Variants in IGF1R observed in about 807,000 individuals in gnomAD.
The protein encoded by IGF1R is insulin like growth factor 1 receptor.
In IGF1R, 44 loss-of-function variants were observed where a neutral mutation model predicts 144.6. The ratio of observed to expected loss-of-function variants is 0.30; its 90% CI spans 0.24 to 0.39. The LOEUF (loss-of-function observed/expected upper bound fraction) is 0.39, where lower values mean the gene tolerates loss of function less well. Ranked by LOEUF, IGF1R falls within the 10% of genes least tolerant of loss-of-function variation. The pLI is 1.00. For missense variants in IGF1R, 1,355 were observed against 1,833.7 expected (o/e 0.74, Z 4.77); for synonymous variants, 795 against 722.8 (o/e 1.10, Z -1.60).
At chr15:98,827,517 G>A (rs926294218) in intron 2 of IGF1R, among the ~76,000 whole-genome samples, 2 of 152,196 alleles carry the variant, frequency 1.3e-5, no homozygotes, top group Admixed American at 6.5e-5. Context: ...GGCATTTGGA[G>A]ATACTATGAA....
At chr15:98,822,455 T>G (rs1298965668) in intron 2 of IGF1R, among the ~76,000 whole-genome samples, 1 of 152,234 alleles carries the variant, frequency 6.6e-6, no homozygotes, top group Non-Finnish European at 1.5e-5. Context: ...GATCTCGTCT[T>G]ACAAGGTCCC....
intron 2 of IGF1R, among the ~76,000 whole-genome samples, chr15:98,712,239 G>C (rs896209922): frequency 6.6e-6 from 1 of 152,110 alleles, no homozygotes; most frequent in African/African-American, 2.4e-5. Flanking sequence ...TTTGAGTCCA[G>C]GACCTGTCAT....
chr15:98,947,830 CAG>C (rs1441684246), intron 19 of IGF1R, among the ~76,000 whole-genome samples: 1 of 152,212 alleles, frequency 6.6e-6, no homozygotes, highest in African/African-American at 2.4e-5. Flanking sequence ...ACCTGTGACA[CAG>C]AGGCCCTGCA....
chr15:98,819,400 G>T (rs1320391202), intron 2 of IGF1R, among the ~76,000 whole-genome samples: 1 of 152,112 alleles, frequency 6.6e-6, no homozygotes, highest in African/African-American at 2.4e-5. Context: ...TTTAGGAAGG[G>T]ATTAAATCGT....
intron 2 of IGF1R, among the ~76,000 whole-genome samples, chr15:98,832,629 G>GT (rs56243311): frequency 7.9e-5 from 12 of 151,718 alleles, no homozygotes; most frequent in African/African-American, 2.7e-4. Flanking sequence ...TGAGTGCATG[G>GT]TTTTTTTCTA....
At chr15:98,724,897 T>G (rs1197512635) in intron 2 of IGF1R, among the ~76,000 whole-genome samples, 2 of 152,190 alleles carry the variant, frequency 1.3e-5, no homozygotes, top group African/African-American at 4.8e-5. Context: ...AGAAGTTCAG[T>G]GAGAACCTCT....
Position 98,916,841 on chromosome 15 carries a change from T to C in IGF1R, c.2166T>C (p.Phe722=). ...AGGAGGCTGAATACCGCAAAGTCTT[T>C]GAGAATTTCCTGCACAACTCCATCT... ...EKEEAEYRKV[F]ENFLHNSIFV... The change falls in exon 10 of 21, where the codon TTT becomes TTC. Residue 722 remains phenylalanine, a synonymous_variant. Coordinates refer to ENST00000650285, the MANE Select transcript of IGF1R (RefSeq NM_000875.5). 4 of 1,613,730 alleles carry C rather than the reference T, an allele frequency of 2.5e-6. No individual in the cohort carries two copies. The highest frequency in any genetic ancestry group is 3.4e-6 in the Non-Finnish European group (4 of 1,179,744).
intron 1 of IGF1R, chr15:98,650,962 ATTC>A (rs982811593): frequency 1.4e-5 from 14 of 985,044 alleles, no homozygotes; most frequent in Non-Finnish European, 1.6e-5. Flanking sequence ...TGGGGGTTTT[ATTC>A]TTCTGAAAAA....
intron 2 of IGF1R, among the ~76,000 whole-genome samples, chr15:98,719,807 C>T (rs1238019963): frequency 6.6e-6 from 1 of 152,124 alleles, no homozygotes; most frequent in Admixed American, 6.5e-5. Flanking sequence ...TTGACTCGGT[C>T]CCACTGGAAA....
intron 2 of IGF1R, among the ~76,000 whole-genome samples, chr15:98,831,305 C>G (rs948817363): frequency 4.6e-5 from 7 of 152,222 alleles, no homozygotes; most frequent in African/African-American, 1.7e-4. Context: ...TTTTCACTTT[C>G]TCTCCACCAG....
At chr15:98,706,338 T>A (rs1221744583) in intron 1 of IGF1R, among the ~76,000 whole-genome samples, 2 of 152,244 alleles carry the variant, frequency 1.3e-5, no homozygotes, top group Admixed American at 6.5e-5. Context: ...TATTAAATCC[T>A]AAAAAAGGTT....
chr15:98,916,812 A>G lies in IGF1R; in HGVS notation c.2137A>G (p.Lys713Glu). The stretch of plus-strand genomic sequence containing the variant: ...AACTGAAGCCGAGAAGCAGGCCGAG[A>G]AGGAGGAGGCTGAATACCGCAAAGT... ...PKTEAEKQAE[K>E]EEAEYRKVFE... Residue 713 changes from lysine to glutamate, a missense_variant, in exon 10 of 21, where the codon AAG becomes GAG. Lys to Glu is a moderately conservative substitution (Grantham distance 56). Coordinates refer to ENST00000650285, the MANE Select transcript of IGF1R (RefSeq NM_000875.5). 1 of 1,614,018 alleles carries G rather than the reference A, an allele frequency of 6.2e-7. No homozygotes were observed. The highest frequency in any genetic ancestry group is 8.5e-7 in the Non-Finnish European group (1 of 1,180,014).
At chr15:98,835,597 G>A (rs947998627) in intron 2 of IGF1R, among the ~76,000 whole-genome samples, 4 of 152,216 alleles carry the variant, frequency 2.6e-5, no homozygotes, top group Non-Finnish European at 5.9e-5. Context: ...TTTAGGCACA[G>A]CAGGTCAAAG....
chr15:98,963,213 A>AT lies in IGF1R; in HGVS notation c.*5789dup, dbSNP rs35151840. 63 of 212,224 alleles carry AT rather than the reference A, an allele frequency of 3.0e-4. No individual in the cohort carries two copies. Among genetic ancestry groups the AT allele is most frequent in the African/African-American group, 5.1e-4 (21 of 41,134 alleles). 13.1% of individuals were successfully genotyped at this position (212,224 alleles called of 1,614,324 possible). A position where few individuals can be genotyped will look rare whatever the true frequency, so the allele number is the denominator to read the frequency against. Reference sequence around the variant, plus strand: ...GTGTGCAAATGTGTGTTTGTGATCCATTTTTTTTTTTTTTTTTTAGGACAC... The same window carrying AT: ...GTGTGCAAATGTGTGTTTGTGATCCATTTTTTTTTTTTTTTTTTTAGGACAC... On this transcript the variant is annotated 3_prime_UTR_variant, in exon 21 of 21. Transcript: ENST00000650285.
intron 1 of IGF1R, among the ~76,000 whole-genome samples, chr15:98,681,056 G>A (rs561508851): frequency 1.3e-5 from 2 of 152,148 alleles, no homozygotes; most frequent in South Asian, 4.1e-4. Context: ...TGTGTAGTAG[G>A]CTATACCATT....
intron 2 of IGF1R, among the ~76,000 whole-genome samples, chr15:98,724,752 CAGAA>C (rs556472668): frequency 3.3e-5 from 5 of 152,176 alleles, no homozygotes; most frequent in Non-Finnish European, 7.3e-5. Context: ...CTTGTGTACA[CAGAA>C]AGAAGACAGA....
chr15:98,948,603 C>T lies in IGF1R; in HGVS notation c.3617C>T (p.Ala1206Val), dbSNP rs2151726668. 2 of 1,614,116 alleles carry T rather than the reference C, an allele frequency of 1.2e-6. No homozygotes were observed. Among genetic ancestry groups the T allele is most frequent in the Non-Finnish European group, 1.7e-6 (2 of 1,180,008 alleles). ...WSFGVVLWEI[A>V]TLAEQPYQGL... is the part of the protein sequence containing the mutation. ...TTCGGGGTCGTCCTCTGGGAGATCG[C>T]CACACTGGCCGAGCAGCCCTACCAG... is the stretch of plus-strand genomic sequence containing the variant. The change falls in exon 20 of 21, where the codon GCC (alanine) becomes GTC (valine). Residue 1206 changes from alanine (A) to valine (V), a missense_variant. By Grantham distance (64) the Ala-to-Val change is moderately conservative. Transcript: ENST00000650285.
rs2053908068 is a variant in IGF1R at position 98,708,074 on chromosome 15, T to C, written c.607T>C (p.Tyr203His). The change falls in exon 2 of 21, where the codon TAC becomes CAC. Residue 203 changes from tyrosine (Y) to histidine (H), a missense_variant. By Grantham distance (83) the Tyr-to-His change is moderately conservative. Around this residue, in one of 7 missense-constraint regions of IGF1R, gnomAD observed 880 missense variants for 1,202.7 expected, o/e 0.73. Coordinates refer to ENST00000650285, the MANE Select transcript of IGF1R (RefSeq NM_000875.5). Reference sequence around the variant, plus strand: ...GACCACCATCAACAATGAGTACAACTACCGCTGCTGGACCACAAACCGCTG... The same window carrying C: ...GACCACCATCAACAATGAGTACAACCACCGCTGCTGGACCACAAACCGCTG... ...EKTTINNEYN[Y>H]RCWTTNRCQK... The C allele has an allele frequency of 1.1e-5, 18 of 1,613,814 alleles. No homozygotes were observed. The highest frequency in any genetic ancestry group is 1.5e-5 in the Non-Finnish European group (18 of 1,180,010).
chr15:98,869,498 G>A (rs549925710), intron 2 of IGF1R, among the ~76,000 whole-genome samples: 2 of 149,120 alleles, frequency 1.3e-5, no homozygotes, highest in South Asian at 4.2e-4. Flanking sequence ...GCAATGGCAC[G>A]ATCTCCGGCT....
Sources: gnomAD v4.1 joint callset for allele counts (sites outside exome capture counted in the v4.1 genomes callset) on GRCh38, gnomAD v4.1.1 for gene constraint, gnomAD v4.1.1 regional missense constraint, MANE v1.5 for transcripts, NCBI Gene and HGNC (gene_info 2026-07-23, HGNC 2026-07-21) for gene names.